The following BABAM2 variants were observed in gnomAD, a reference collection of about 807,000 sequenced individuals.
BABAM2 encodes the protein BRISC and BRCA1-A complex member 2.
A neutral mutation model predicts 54.7 loss-of-function variants in BABAM2; 31 were observed. That is an observed-to-expected ratio of 0.57 (90% confidence interval 0.43 to 0.77). The LOEUF is 0.77. BABAM2 is among the 30% of genes least tolerant of loss of function. BABAM2 has a pLI of 0.00. For synonymous variants in BABAM2, 167 were observed against 162.9 expected (o/e 1.03, Z -0.19); for missense variants, 364 against 455.8 (o/e 0.80, Z 1.83).
chr2:28,096,551 T>C (rs1404424080), intron 6 of BABAM2, among the ~76,000 whole-genome samples: 1 of 152,132 alleles, frequency 6.6e-6, no homozygotes, highest in African/African-American at 2.4e-5. Context: ...CGATTGTCAC[T>C]AAACCAGCTC....
chr2:28,188,605 G>A (rs1457413068), intron 7 of BABAM2, among the ~76,000 whole-genome samples: 2 of 152,132 alleles, frequency 1.3e-5, no homozygotes, highest in African/African-American at 4.8e-5. Context: ...AGATTGAAAC[G>A]GAAAATGGAC....
chr2:27,890,116 G>T (rs1259812151), upstream of BABAM2: 5 of 665,534 alleles, frequency 7.5e-6, no homozygotes, highest in Non-Finnish European at 1.0e-5. This position sits in a 1 kb window ranked among gnomAD's most constrained non-coding sequence, Gnocchi z 4.8. Context: ...TAGGCTGAAG[G>T]CTTCGAAAAC....
At chr2:28,007,103 A>G (rs1160678849) in intron 4 of BABAM2, among the ~76,000 whole-genome samples, 1 of 151,934 alleles carries the variant, frequency 6.6e-6, no homozygotes, top group Non-Finnish European at 1.5e-5. Context: ...AACCTTAATT[A>G]TCATTATATT....
intron 7 of BABAM2, among the ~76,000 whole-genome samples, chr2:28,155,699 T>G (rs985352833): frequency 6.6e-6 from 1 of 152,104 alleles, no homozygotes; most frequent in East Asian, 1.9e-4. Context: ...TAATGAGCTA[T>G]AAAGAGAAAA....
At chr2:28,317,801 A>T (rs1169648512) in intron 11 of BABAM2, among the ~76,000 whole-genome samples, 5 of 152,126 alleles carry the variant, frequency 3.3e-5, no homozygotes, top group African/African-American at 1.2e-4. Flanking sequence ...GTGGCTTTCC[A>T]GTTCCTGTTT....
At chr2:28,319,439 G>A (rs888801501) in intron 11 of BABAM2, among the ~76,000 whole-genome samples, 1 of 152,228 alleles carries the variant, frequency 6.6e-6, no homozygotes, top group Non-Finnish European at 1.5e-5. Context: ...CTTTGTGCGG[G>A]GCAGAAGCTG....
chr2:28,233,659 G>A (rs1323816091), intron 7 of BABAM2, among the ~76,000 whole-genome samples: 1 of 152,182 alleles, frequency 6.6e-6, no homozygotes, highest in Non-Finnish European at 1.5e-5. Context: ...TAAATAAAGG[G>A]TGAAATGACG....
intron 11 of BABAM2, among the ~76,000 whole-genome samples, chr2:28,312,379 T>C (rs928806778): frequency 6.6e-6 from 1 of 152,192 alleles, no homozygotes; most frequent in African/African-American, 2.4e-5. Context: ...CAGCTCATTA[T>C]ATACAGAGTA....
intron 6 of BABAM2, among the ~76,000 whole-genome samples, chr2:28,112,009 G>T (rs1250738445): frequency 1.3e-5 from 2 of 152,044 alleles, no homozygotes; most frequent in Non-Finnish European, 2.9e-5. Context: ...TGCAGTCTGG[G>T]AAAGCCAGAG....
chr2:27,973,342 C>G (rs529859896), intron 3 of BABAM2, among the ~76,000 whole-genome samples: 4 of 152,066 alleles, frequency 2.6e-5, no homozygotes, highest in Non-Finnish European at 5.9e-5. Context: ...GACCCTGGCA[C>G]TATGCACTGG....
intron 2 of BABAM2, among the ~76,000 whole-genome samples, chr2:27,908,112 A>G (rs559178118): frequency 6.6e-6 from 1 of 152,280 alleles, no homozygotes; most frequent in South Asian, 2.1e-4. Flanking sequence ...TTCTGTTTTT[A>G]AAAATAATTT....
intron 2 of BABAM2, among the ~76,000 whole-genome samples, chr2:27,927,974 G>T (rs1460501085): frequency 6.6e-6 from 1 of 151,666 alleles, no homozygotes; most frequent in Non-Finnish European, 1.5e-5. Flanking sequence ...CTTCTGAGTA[G>T]CTGGGATTAC....
chr2:27,917,939 T>C (rs1294158826), intron 2 of BABAM2, among the ~76,000 whole-genome samples: 2 of 152,166 alleles, frequency 1.3e-5, no homozygotes, highest in East Asian at 3.8e-4. Context: ...TGTCGTAAAT[T>C]AAGTGTCCAG....
At chr2:28,013,031 T>C (rs188532058) in intron 4 of BABAM2, among the ~76,000 whole-genome samples, 6 of 152,326 alleles carry the variant, frequency 3.9e-5, no homozygotes, top group Admixed American at 3.9e-4. Context: ...GGAGTGGGGC[T>C]GCATACTGGT....
intron 3 of BABAM2, 75 bp downstream of exon 3, chr2:27,929,983 A>G: frequency 3.6e-6 from 5 of 1,380,240 alleles, no homozygotes; most frequent in Non-Finnish European, 5.1e-6. Context: ...TTTAGTTTTC[A>G]TTTCCGGCTG....
intron 3 of BABAM2, among the ~76,000 whole-genome samples, chr2:27,960,430 G>C (rs1670384389): frequency 6.6e-6 from 1 of 151,960 alleles, no homozygotes; most frequent in Middle Eastern, 3.2e-3. Flanking sequence ...AATGAACTCA[G>C]AATTCAAAGA....
At chr2:28,158,486 G>T (rs552873296) in intron 7 of BABAM2, among the ~76,000 whole-genome samples, 1 of 152,194 alleles carries the variant, frequency 6.6e-6, no homozygotes, top group Non-Finnish European at 1.5e-5. Flanking sequence ...AAAACTACCA[G>T]CAGCAAAAGT....
At chr2:28,207,185 A>G (rs752298459) in intron 7 of BABAM2, among the ~76,000 whole-genome samples, 1 of 152,162 alleles carries the variant, frequency 6.6e-6, no homozygotes, top group Non-Finnish European at 1.5e-5. Flanking sequence ...TAGAAGTCAC[A>G]TAAAACTACA....
chr2:28,251,907 C>T (rs1204797017), intron 10 of BABAM2, among the ~76,000 whole-genome samples: 1 of 152,020 alleles, frequency 6.6e-6, no homozygotes, highest in African/African-American at 2.4e-5. Context: ...TAATAACTAT[C>T]AGGCTAGGTG....
Sources: allele counts gnomAD v4.1 joint callset (sites outside exome capture counted in the v4.1 genomes callset), GRCh38; gene constraint gnomAD v4.1.1; non-coding constraint Gnocchi (gnomAD v3.1); transcripts MANE v1.5; gene names NCBI Gene and HGNC (gene_info 2026-07-23, HGNC 2026-07-21).